The following TAFA5 variants were observed in gnomAD, a reference collection of about 807,000 sequenced individuals.
The protein encoded by TAFA5 is chemokine-like protein TAFA-5.
In TAFA5, 6 loss-of-function variants were observed where a neutral mutation model predicts 15.3. The observed-to-expected ratio is 0.39, with a 90% CI of 0.21 to 0.77. TAFA5 has a LOEUF of 0.77. Ranked by LOEUF, TAFA5 falls within the 30% of genes least tolerant of loss-of-function variation. The pLI, the probability that TAFA5 is intolerant of heterozygous loss-of-function variation, is 0.41. For missense variants in TAFA5, 161 were observed against 193.1 expected (o/e 0.83, Z 0.98); for synonymous variants, 103 against 80.7 (o/e 1.28, Z -1.48).
At chr22:48,539,675 A>G (rs561436120) in intron 1 of TAFA5, among the ~76,000 whole-genome samples, 1 of 152,224 alleles carries the variant, frequency 6.6e-6, no homozygotes, top group Non-Finnish European at 1.5e-5. Flanking sequence ...AACAGAGCCT[A>G]TGAGCAAATG....
chr22:48,647,963 C>T (rs947996741), intron 2 of TAFA5, among the ~76,000 whole-genome samples: 4 of 152,178 alleles, frequency 2.6e-5, no homozygotes, highest in Non-Finnish European at 5.9e-5. Context: ...CCTCGAGCTG[C>T]GGCCCGGTAG....
chr22:48,567,180 A>C (rs1398188785), intron 1 of TAFA5, among the ~76,000 whole-genome samples: 2 of 152,248 alleles, frequency 1.3e-5, no homozygotes, highest in South Asian at 2.1e-4. Context: ...TTTAAACAAA[A>C]ACACACACAC....
At chr22:48,568,866 A>G (rs1923490998) in intron 1 of TAFA5, among the ~76,000 whole-genome samples, 1 of 152,172 alleles carries the variant, frequency 6.6e-6, no homozygotes, top group Non-Finnish European at 1.5e-5. Context: ...TGCTGAGCAC[A>G]GCCTCTGGGG....
At chr22:48,521,301 A>G (rs1247286354) in intron 1 of TAFA5, among the ~76,000 whole-genome samples, 4 of 152,168 alleles carry the variant, frequency 2.6e-5, no homozygotes, top group Non-Finnish European at 5.9e-5. Flanking sequence ...GTATTTTGCA[A>G]CATCAAACAG....
At chr22:48,749,425 G>A (rs1255161208) in intron 3 of TAFA5, among the ~76,000 whole-genome samples, 1 of 152,222 alleles carries the variant, frequency 6.6e-6, no homozygotes, top group African/African-American at 2.4e-5. Flanking sequence ...ACCATTCTGG[G>A]TGAGCTCTGC....
intron 2 of TAFA5, among the ~76,000 whole-genome samples, chr22:48,661,704 C>T (rs543178708): frequency 6.6e-6 from 1 of 152,330 alleles, no homozygotes; most frequent in African/African-American, 2.4e-5. Flanking sequence ...ACAGCGTCCT[C>T]CTCCCTGCAC....
In TAFA5 at chr22:48,530,921, G is replaced by A. The variant is rs1410279564; in HGVS notation, c.112+41217G>A. On this transcript the variant is annotated intron_variant, in intron 1 of 3. Coordinates refer to ENST00000402357, the MANE Select transcript of TAFA5 (RefSeq NM_001082967.3). This position sits in a 1 kb window ranked among gnomAD's most constrained non-coding sequence, Gnocchi z 6.0. ...ATGTCACAGTGACATGACAGACTGAGCTTCCACTGTACAGGGACCCCCTGT... is the reference window on the plus strand; with the variant it reads ...ATGTCACAGTGACATGACAGACTGAACTTCCACTGTACAGGGACCCCCTGT... Among the ~76,000 whole-genome samples, 2 of 152,186 alleles carry A rather than the reference G, an allele frequency of 1.3e-5. No individual in the cohort carries two copies. Among genetic ancestry groups the A allele is most frequent in the African/African-American group, 4.8e-5 (2 of 41,440 alleles).
At chr22:48,701,232 G>A (rs1038589172) in intron 2 of TAFA5, among the ~76,000 whole-genome samples, 5 of 152,122 alleles carry the variant, frequency 3.3e-5, no homozygotes, top group African/African-American at 4.8e-5. Flanking sequence ...CTTTGCAGCC[G>A]GACCTAGAGG....
intron 1 of TAFA5, among the ~76,000 whole-genome samples, chr22:48,613,924 C>A (rs1925502324): frequency 6.6e-6 from 1 of 152,188 alleles, no homozygotes; most frequent in Admixed American, 6.5e-5. Context: ...TGGAGATTGG[C>A]CGGTGGCCCT....
intron 2 of TAFA5, among the ~76,000 whole-genome samples, chr22:48,674,010 G>A (rs73175143): frequency 0.25 from 37,357 of 151,518 alleles, 4,710 homozygotes; most frequent in South Asian, 0.33. Context: ...CTTTTTGCCC[G>A]CCTCACATCT....
At chr22:48,604,218 T>C (rs953943206) in intron 1 of TAFA5, among the ~76,000 whole-genome samples, 2 of 152,184 alleles carry the variant, frequency 1.3e-5, no homozygotes, top group Admixed American at 1.3e-4. Context: ...CAGGCAACCT[T>C]GGACCGAGTG....
At chr22:48,682,697 G>A (rs1186321913) in intron 2 of TAFA5, among the ~76,000 whole-genome samples, 1 of 152,204 alleles carries the variant, frequency 6.6e-6, no homozygotes, top group Non-Finnish European at 1.5e-5. Context: ...AAGCCTGACG[G>A]CATTTGCATA....
At chr22:48,633,496 G>C (rs1926308754) in intron 1 of TAFA5, among the ~76,000 whole-genome samples, 1 of 45,964 alleles carries the variant, frequency 2.2e-5, no homozygotes, top group African/African-American at 2.0e-4. Flanking sequence ...TTTGCTCTGT[G>C]TCTGTCTGTC....
At chr22:48,654,733 T>C (rs1927179076) in intron 2 of TAFA5, among the ~76,000 whole-genome samples, 1 of 152,058 alleles carries the variant, frequency 6.6e-6, no homozygotes, top group South Asian at 2.1e-4. Context: ...CTGTCTGGCG[T>C]GGAGGAAAAG....
At chr22:48,539,110 G>T in intron 1 of TAFA5, 1 of 257,958 alleles carries the variant, frequency 3.9e-6, no homozygotes, top group Non-Finnish European at 7.7e-6. Context: ...GCTGAATCCC[G>T]GGGAGAGAAG....
chr22:48,708,352 T>G (rs946086470), intron 3 of TAFA5, among the ~76,000 whole-genome samples: 18 of 152,220 alleles, frequency 1.2e-4, no homozygotes, highest in African/African-American at 4.1e-4. Context: ...GGAGGGCCCT[T>G]CAGCTCCTCT....
chr22:48,518,164 C>G (rs192279503), intron 1 of TAFA5, among the ~76,000 whole-genome samples: 1 of 152,308 alleles, frequency 6.6e-6, no homozygotes, highest in Non-Finnish European at 1.5e-5. Flanking sequence ...GAGGCTTTCT[C>G]CACCCTCGGG....
chr22:48,558,162 G>A (rs1923103748), intron 1 of TAFA5, among the ~76,000 whole-genome samples: 1 of 152,260 alleles, frequency 6.6e-6, no homozygotes, highest in South Asian at 2.1e-4. Flanking sequence ...TTCTTATTCA[G>A]TGCCACCGTC....
At chr22:48,644,791 A>G (rs561322599) in intron 1 of TAFA5, among the ~76,000 whole-genome samples, 2 of 152,308 alleles carry the variant, frequency 1.3e-5, no homozygotes, top group Non-Finnish European at 2.9e-5. Flanking sequence ...GCACCCGGGC[A>G]TTGCCTGCAG....
Sources: allele counts gnomAD v4.1 joint callset (sites outside exome capture counted in the v4.1 genomes callset), GRCh38; gene constraint gnomAD v4.1.1; non-coding constraint Gnocchi (gnomAD v3.1); transcripts MANE v1.5; gene names NCBI Gene and HGNC (gene_info 2026-07-23, HGNC 2026-07-21).